GFRA2: variants seen among roughly 807,000 people sequenced by gnomAD.
GFRA2 encodes GDNF family receptor alpha 2, also known as GDNF family receptor alpha-2.
GFRA2 carries 17 observed loss-of-function variants against 48.3 expected under a neutral mutation model. The ratio of observed to expected loss-of-function variants is 0.35; its 90% CI spans 0.24 to 0.53. The LOEUF (loss-of-function observed/expected upper bound fraction) is 0.53. Among genes scored for constraint, GFRA2 ranks in the 20% least tolerant of loss-of-function variants. GFRA2 has a pLI of 0.93. For synonymous variants in GFRA2, 305 were observed against 257.2 expected, an observed-to-expected ratio of 1.19 and a Z score of -1.78; for missense variants, 660 against 637.3, an observed-to-expected ratio of 1.04 and a Z score of -0.38.
chr8:21,768,405 T>C (rs1180714671), intron 3 of GFRA2, among the ~76,000 whole-genome samples: 2 of 152,200 alleles, frequency 1.3e-5, no homozygotes, highest in African/African-American at 4.8e-5. Context: ...AGTTCTTCCC[T>C]GCCCTCAGCC....
chr8:21,705,937 A>T lies in GFRA2; in HGVS notation c.899T>A (p.Met300Lys). 1 of 1,553,508 alleles carries T rather than the reference A, an allele frequency of 6.4e-7. No individual in the cohort carries two copies. The highest frequency in any genetic ancestry group is 8.7e-7 in the Non-Finnish European group (1 of 1,145,436). The change falls in exon 5 of 9, where the codon ATG (methionine) becomes AAG (lysine). Residue 300 changes from methionine (M) to lysine (K), a missense_variant. Met to Lys is a moderately conservative substitution (Grantham distance 95). Coordinates refer to ENST00000524240, the MANE Select transcript of GFRA2 (RefSeq NM_001495.5). ...YQACLGSYAG[M>K]IGFDMTPNYV... ...GGTGAGCAGGAAGAGCTTACCAATC[A>T]TGCCAGCATAAGAGCCCAGACACGC...
At chr8:21,765,464 C>T (rs956923596) in intron 3 of GFRA2, among the ~76,000 whole-genome samples, 1 of 151,988 alleles carries the variant, frequency 6.6e-6, no homozygotes, top group Non-Finnish European at 1.5e-5. Context: ...ACACAGCTGA[C>T]TGATTTCTCT....
At chr8:21,706,313 C>T (rs563772092) in intron 4 of GFRA2, 1 of 584,574 alleles carries the variant, frequency 1.7e-6, no homozygotes, top group African/African-American at 1.8e-5. Context: ...CCTCAAGGCA[C>T]AGAAACAGCC....
intron 2 of GFRA2, among the ~76,000 whole-genome samples, chr8:21,800,693 G>A (rs1807754726): frequency 6.6e-6 from 1 of 152,240 alleles, no homozygotes. Flanking sequence ...GGGAGGCCAA[G>A]GCAGGAGGAT....
At chr8:21,776,037 G>GTGTTGTGTGTGTA (rs549952048) in intron 2 of GFRA2, among the ~76,000 whole-genome samples, 45 of 139,900 alleles carry the variant, frequency 3.2e-4, no homozygotes, top group African/African-American at 1.2e-3. Context: ...GTGTGTGTGT[G>GTGTTGTGTGTGTA]TGTAGTGAAA....
intron 7 of GFRA2, among the ~76,000 whole-genome samples, chr8:21,697,099 A>G (rs1172906925): frequency 8.5e-5 from 10 of 118,042 alleles, no homozygotes; most frequent in South Asian, 3.1e-4. Context: ...GGAAAGGGGA[A>G]GGGACAGAGG....
Position 21,692,953 on chromosome 8 carries a change from C to T in GFRA2, c.*325G>A, listed in dbSNP as rs899041437. 1.7e-5 allele frequency: 3 copies of T among 174,024 alleles called. No individual in the cohort carries two copies. Among genetic ancestry groups the T allele is most frequent in the Non-Finnish European group, 3.6e-5 (3 of 82,196 alleles). The allele number at this position is 174,024 out of a possible 1,614,324, so 10.8% of individuals were successfully genotyped here. The stretch of plus-strand genomic sequence containing the variant: ...GTCCCTTCCGCTGCAGGCTCTTGTC[C>T]GGTCTCTGCTTCAGAAGGGTCCAGA... On this transcript the variant is annotated 3_prime_UTR_variant, in exon 9 of 9. Transcript: ENST00000524240.
chr8:21,724,145 G>T (rs1803740114), intron 4 of GFRA2, among the ~76,000 whole-genome samples: 1 of 152,088 alleles, frequency 6.6e-6, no homozygotes, highest in Non-Finnish European at 1.5e-5. Context: ...CAGGCTCTAG[G>T]GAACAATCCT....
intron 4 of GFRA2, among the ~76,000 whole-genome samples, chr8:21,723,515 T>C (rs1803703111): frequency 6.6e-6 from 1 of 151,988 alleles, no homozygotes; most frequent in South Asian, 2.1e-4. Flanking sequence ...TTACAAAAAA[T>C]AAAAGAGATT....
intron 3 of GFRA2, among the ~76,000 whole-genome samples, chr8:21,763,123 T>C (rs141810961): frequency 0.26 from 39,950 of 152,142 alleles, 6,159 homozygotes; most frequent in African/African-American, 0.42. Flanking sequence ...TCTTAAAATA[T>C]AGCTATGAAG....
At chr8:21,785,037 G>A (rs1807201081) in intron 1 of GFRA2, among the ~76,000 whole-genome samples, 1 of 152,138 alleles carries the variant, frequency 6.6e-6, no homozygotes, top group East Asian at 1.9e-4. Context: ...CCTCCCCATA[G>A]GCTAATGCCC....
intron 2 of GFRA2, among the ~76,000 whole-genome samples, chr8:21,781,619 C>T (rs780430611): frequency 6.6e-6 from 1 of 151,996 alleles, no homozygotes; most frequent in Non-Finnish European, 1.5e-5. Context: ...ACAGCACTTA[C>T]ACCATCAAAT....
intron 7 of GFRA2, among the ~76,000 whole-genome samples, chr8:21,702,131 T>G (rs867263348): frequency 2.6e-5 from 4 of 152,154 alleles, no homozygotes; most frequent in Admixed American, 6.5e-5. Context: ...GCCCCCTGCT[T>G]GCAGCCACTC....
chr8:21,794,791 C>G (rs1807638958), intron 2 of GFRA2, among the ~76,000 whole-genome samples: 1 of 152,118 alleles, frequency 6.6e-6, no homozygotes. Context: ...GAGTCCCAGC[C>G]TGGAAGGAGC....
intron 4 of GFRA2, among the ~76,000 whole-genome samples, chr8:21,711,015 T>A (rs958474969): frequency 6.6e-6 from 1 of 152,196 alleles, no homozygotes; most frequent in Non-Finnish European, 1.5e-5. Flanking sequence ...CCACGTGGTA[T>A]AATTTCCTTG....
At chr8:21,748,969 T>C (rs983919772) in intron 4 of GFRA2, among the ~76,000 whole-genome samples, 12 of 152,062 alleles carry the variant, frequency 7.9e-5, no homozygotes, top group African/African-American at 2.9e-4. Context: ...AAGGCTCAGG[T>C]CAAGGCCCCC....
upstream of GFRA2, among the ~76,000 whole-genome samples, chr8:21,792,468 G>A (rs1375971600): frequency 6.6e-6 from 1 of 152,232 alleles, no homozygotes; most frequent in Non-Finnish European, 1.5e-5. Context: ...CATCAGCACA[G>A]ACTTATTGAA....
At chr8:21,777,109 G>A (rs1246242671) in intron 2 of GFRA2, among the ~76,000 whole-genome samples, 1 of 152,170 alleles carries the variant, frequency 6.6e-6, no homozygotes. Flanking sequence ...GAGGAACAAG[G>A]AGCACAGAGA....
At chr8:21,727,836 A>G (rs1803955491) in intron 4 of GFRA2, among the ~76,000 whole-genome samples, 1 of 152,152 alleles carries the variant, frequency 6.6e-6, no homozygotes, top group African/African-American at 2.4e-5. Context: ...TACTTTGATT[A>G]TTTTCCAGAG....
Sources: allele counts gnomAD v4.1 joint callset (sites outside exome capture counted in the v4.1 genomes callset), GRCh38; gene constraint gnomAD v4.1.1; transcripts MANE v1.5; gene names NCBI Gene and HGNC (gene_info 2026-07-23, HGNC 2026-07-21).